SORCS2: variants seen among roughly 807,000 people sequenced by gnomAD.
The protein encoded by SORCS2 is VPS10 domain-containing receptor SorCS2.
Under a neutral mutation model 141.6 loss-of-function variants are expected in SORCS2, and 100 were observed. The observed-to-expected ratio is 0.71, with a 90% CI of 0.60 to 0.83. The LOEUF (loss-of-function observed/expected upper bound fraction) is 0.83. SORCS2 is among the 40% of genes least tolerant of loss of function. The probability of loss-of-function intolerance (pLI) is 0.00; values close to 1 mark genes in which losing one functional copy is unlikely to be tolerated. For synonymous variants in SORCS2, 789 were observed against 676.9 expected, an observed-to-expected ratio of 1.17 and a Z score of -2.57; for missense variants, 1,646 against 1,560.2, an observed-to-expected ratio of 1.05 and a Z score of -0.93.
chr4:7,596,505 A>G lies in SORCS2; in HGVS notation c.649-41823A>G, dbSNP rs183750670. ...ATTAGCAGGCTCAAAAAGATACCCA[A>G]TTATGAGTTAAATTGGGCTAGAAGA... On this transcript the variant is annotated intron_variant, in intron 3 of 26. Coordinates refer to ENST00000507866, the MANE Select transcript of SORCS2 (RefSeq NM_020777.3). Among the ~76,000 whole-genome samples, 278 of 152,348 alleles carry G rather than the reference A, an allele frequency of 1.8e-3. 3 individuals carry two copies. Among genetic ancestry groups the G allele is most frequent in the African/African-American group, 6.4e-3 (267 of 41,588 alleles).
At chr4:7,696,989 T>G (rs1238022831) in intron 11 of SORCS2, among the ~76,000 whole-genome samples, 1 of 152,176 alleles carries the variant, frequency 6.6e-6, no homozygotes. Flanking sequence ...TGGAGTCCCC[T>G]GAATGTGGCT....
chr4:7,429,617 G>C (rs1726688459), intron 2 of SORCS2, among the ~76,000 whole-genome samples: 1 of 152,226 alleles, frequency 6.6e-6, no homozygotes, highest in Non-Finnish European at 1.5e-5. Flanking sequence ...CTCTGTGCAT[G>C]CACCCGGCGG....
chr4:7,706,705 C>G (rs1404207363), intron 14 of SORCS2, among the ~76,000 whole-genome samples: 1 of 142,404 alleles, frequency 7.0e-6, no homozygotes, highest in Non-Finnish European at 1.5e-5. Context: ...AGGCTGGGCT[C>G]TGCCTGGACA....
intron 3 of SORCS2, among the ~76,000 whole-genome samples, chr4:7,620,081 C>T (rs1339415348): frequency 2.0e-5 from 3 of 151,910 alleles, no homozygotes; most frequent in African/African-American, 4.8e-5. Flanking sequence ...CCTCCTCTTC[C>T]TCCTTCATCT....
intron 4 of SORCS2, among the ~76,000 whole-genome samples, chr4:7,641,173 A>G (rs535715207): frequency 6.6e-6 from 1 of 152,300 alleles, no homozygotes; most frequent in South Asian, 2.1e-4. Context: ...ATGGGTATCT[A>G]TTAGCCCATT....
intron 1 of SORCS2, among the ~76,000 whole-genome samples, chr4:7,208,099 G>T (rs980615079): frequency 2.0e-5 from 3 of 152,012 alleles, no homozygotes; most frequent in African/African-American, 7.2e-5. Context: ...AGATCAGCTG[G>T]GGCCCACCTT....
chr4:7,324,965 C>A (rs1354053346), intron 1 of SORCS2, among the ~76,000 whole-genome samples: 1 of 152,220 alleles, frequency 6.6e-6, no homozygotes, highest in African/African-American at 2.4e-5. Context: ...GCTGAGCGCC[C>A]TGGCCTGGAA....
At chr4:7,433,857 G>A (rs778720808) in intron 2 of SORCS2, 18 of 1,613,762 alleles carry the variant, frequency 1.1e-5, no homozygotes, top group Non-Finnish European at 1.4e-5. Flanking sequence ...GGCTGTAGGT[G>A]TCCACCAAGA....
At chr4:7,620,147 G>A (rs193002403) in intron 3 of SORCS2, among the ~76,000 whole-genome samples, 207 of 152,140 alleles carry the variant, frequency 1.4e-3, no homozygotes, top group African/African-American at 4.8e-3. Flanking sequence ...CCTCTTCTGC[G>A]GATTGCGATC....
At chr4:7,275,283 C>T (rs1171297330) in intron 1 of SORCS2, among the ~76,000 whole-genome samples, 1 of 152,192 alleles carries the variant, frequency 6.6e-6, no homozygotes. Flanking sequence ...TGGTCAAGAG[C>T]ATGAGGACAG....
intron 2 of SORCS2, among the ~76,000 whole-genome samples, chr4:7,404,633 G>A (rs1273022660): frequency 6.6e-6 from 1 of 152,010 alleles, no homozygotes; most frequent in Non-Finnish European, 1.5e-5. Flanking sequence ...TCTGCCTGTC[G>A]ACCATGTGTA....
chr4:7,548,647 A>G (rs1269888553), intron 3 of SORCS2, among the ~76,000 whole-genome samples: 1 of 152,048 alleles, frequency 6.6e-6, no homozygotes, highest in Admixed American at 6.5e-5. Context: ...GTCATGTGAC[A>G]GTGTGCCTCA....
At chr4:7,484,202 C>G (rs1039479971) in intron 2 of SORCS2, among the ~76,000 whole-genome samples, 4 of 152,230 alleles carry the variant, frequency 2.6e-5, no homozygotes, top group African/African-American at 9.6e-5. Flanking sequence ...CAGCTCGCGT[C>G]CCTGCGCCGG....
At chr4:7,377,409 C>T (rs1353726956) in intron 1 of SORCS2, among the ~76,000 whole-genome samples, 1 of 152,096 alleles carries the variant, frequency 6.6e-6, no homozygotes, top group East Asian at 1.9e-4. Flanking sequence ...TGGAAGGGAA[C>T]ACCGCATGAA....
chr4:7,486,663 G>A (rs761605480), intron 2 of SORCS2, among the ~76,000 whole-genome samples: 9 of 152,156 alleles, frequency 5.9e-5, no homozygotes, highest in East Asian at 1.9e-4. Flanking sequence ...CGGAAATCAC[G>A]GTGTCTGCAA....
chr4:7,681,467 G>A (rs113188660), intron 9 of SORCS2, among the ~76,000 whole-genome samples: 2,638 of 152,296 alleles, frequency 0.017, 79 homozygotes, highest in African/African-American at 0.057. Context: ...AAGGAATGCC[G>A]GTGCCTCTAG....
chr4:7,639,640 T>A (rs1720512489), intron 4 of SORCS2, among the ~76,000 whole-genome samples: 1 of 150,060 alleles, frequency 6.7e-6, no homozygotes, highest in Non-Finnish European at 1.5e-5. Flanking sequence ...TGTGTGGGAG[T>A]GTGTATATGA....
intron 1 of SORCS2, among the ~76,000 whole-genome samples, chr4:7,276,044 G>A (rs1489799781): frequency 6.6e-6 from 1 of 152,134 alleles, no homozygotes; most frequent in Non-Finnish European, 1.5e-5. Flanking sequence ...AATGCGTAAC[G>A]GGGGCAGTTT....
chr4:7,572,605 T>A (rs1457823711), intron 3 of SORCS2, among the ~76,000 whole-genome samples: 2 of 152,232 alleles, frequency 1.3e-5, no homozygotes, highest in African/African-American at 4.8e-5. Flanking sequence ...ATGAAAAGCA[T>A]TCTGCACAAA....
Sources: allele counts gnomAD v4.1 joint callset (sites outside exome capture counted in the v4.1 genomes callset), GRCh38; gene constraint gnomAD v4.1.1; transcripts MANE v1.5; gene names NCBI Gene and HGNC (gene_info 2026-07-23, HGNC 2026-07-21).